Variants in ASTN1 observed in about 807,000 individuals in gnomAD.
ASTN1 encodes astrotactin-1.
Under a neutral mutation model 140.7 loss-of-function variants are expected in ASTN1, and 41 were observed. The ratio of observed to expected loss-of-function variants is 0.29; its 90% CI spans 0.23 to 0.38. The LOEUF is 0.38. Ranked by LOEUF, ASTN1 falls within the 10% of genes least tolerant of loss-of-function variation. ASTN1 has a pLI of 1.00. For synonymous variants in ASTN1, 640 were observed against 652.2 expected (o/e 0.98, Z 0.29); for missense variants, 1,479 against 1,678.8 (o/e 0.88, Z 2.08).
chr1:176,998,508 A>G (rs1184302983), intron 8 of ASTN1, among the ~76,000 whole-genome samples: 1 of 144,064 alleles, frequency 6.9e-6, no homozygotes, highest in African/African-American at 2.6e-5. Flanking sequence ...CTTCTTTCCA[A>G]GGGCAAAATC....
At chr1:177,085,445 A>G (rs1679417193) in intron 1 of ASTN1, among the ~76,000 whole-genome samples, 1 of 152,132 alleles carries the variant, frequency 6.6e-6, no homozygotes. Flanking sequence ...TTGGGTAAGG[A>G]TTCATGTTTT....
intron 18 of ASTN1, among the ~76,000 whole-genome samples, chr1:176,887,207 C>G (rs1362889650): frequency 2.0e-5 from 3 of 152,170 alleles, no homozygotes; most frequent in East Asian, 3.9e-4. Flanking sequence ...GAAATCTCAT[C>G]TCTAGTATTT....
rs536931459 is a variant in ASTN1, at chr1:177,108,503, C to T, written c.284-47238G>A. On this transcript the variant is annotated intron_variant, in intron 1 of 22. Transcript: ENST00000361833. The stretch of plus-strand genomic sequence containing the variant: ...TCCACTTAGCATGTCTTCAAGGTTT[C>T]TCCATAGTGTAACATGTGTCAGAAA... Among the ~76,000 whole-genome samples, 56 of 152,204 alleles carry T rather than the reference C, an allele frequency of 3.7e-4. 2 individuals carry two copies. Among genetic ancestry groups the T allele is most frequent in the Middle Eastern group, 3.4e-3 (1 of 294 alleles).
intron 1 of ASTN1, among the ~76,000 whole-genome samples, chr1:177,130,696 C>G (rs1012014407): frequency 2.8e-4 from 42 of 152,280 alleles, no homozygotes; most frequent in African/African-American, 9.6e-4. Flanking sequence ...TCATCAGGGA[C>G]TCCAGCTTGT....
At chr1:177,084,181 T>C (rs1456011581) in intron 1 of ASTN1, among the ~76,000 whole-genome samples, 1 of 152,140 alleles carries the variant, frequency 6.6e-6, no homozygotes, top group East Asian at 1.9e-4. Flanking sequence ...GAGCCATACT[T>C]CCAAAACTCC....
At chr1:176,958,528 C>A (rs1293113035) in intron 9 of ASTN1, 46 bp from the exon 10 acceptor site, 12 of 1,560,062 alleles carry the variant, frequency 7.7e-6, no homozygotes, top group South Asian at 6.0e-5. Context: ...GGGGCATAAC[C>A]ACTCACCACT....
intron 1 of ASTN1, among the ~76,000 whole-genome samples, chr1:177,075,749 C>T (rs1003043544): frequency 2.7e-5 from 4 of 149,686 alleles, no homozygotes; most frequent in African/African-American, 7.4e-5. Flanking sequence ...TGGGCTCAAG[C>T]AATCCTTCCA....
chr1:177,010,101 G>A (rs552909145), intron 8 of ASTN1, among the ~76,000 whole-genome samples: 120 of 152,244 alleles, frequency 7.9e-4, no homozygotes, highest in Non-Finnish European at 1.2e-3. Flanking sequence ...ACATAAATCT[G>A]TTTTTCCTCC....
rs565679710 is a variant in ASTN1, at chr1:176,877,409, A to G, written c.3363-772T>C. ...TGGCTAGACTCTTCATTCCCCACAT[A>G]CAGCTCACTCTGTTCCTCTGAGATA... On this transcript the variant is annotated intron_variant, in intron 20 of 22. Transcript: ENST00000361833. Among the ~76,000 whole-genome samples the G allele has an allele frequency of 1.1e-4, 16 of 152,242 alleles. No homozygotes were observed. In the South Asian group the frequency reaches 2.3e-3, roughly 22 times the overall value.
At chr1:177,161,375 C>A (rs564035036) in intron 1 of ASTN1, among the ~76,000 whole-genome samples, 2 of 152,318 alleles carry the variant, frequency 1.3e-5, no homozygotes, top group South Asian at 4.1e-4. Context: ...TCTCCATGAC[C>A]TTAAATGTCT....
At chr1:177,001,785 A>G (rs1674738985) in intron 8 of ASTN1, among the ~76,000 whole-genome samples, 1 of 152,216 alleles carries the variant, frequency 6.6e-6, no homozygotes, top group South Asian at 2.1e-4. Context: ...AATACCAGGC[A>G]TGCAAAGTAC....
At chr1:176,910,086 T>C (rs2103058393) in intron 16 of ASTN1, among the ~76,000 whole-genome samples, 1 of 152,240 alleles carries the variant, frequency 6.6e-6, no homozygotes, top group Non-Finnish European at 1.5e-5. Flanking sequence ...TTAAATGGCG[T>C]TGTGAAAACT....
intron 8 of ASTN1, among the ~76,000 whole-genome samples, chr1:176,990,889 C>G (rs967703869): frequency 1.3e-5 from 2 of 152,170 alleles, no homozygotes; most frequent in Non-Finnish European, 2.9e-5. Flanking sequence ...CTCTAAACAA[C>G]CTCTCTTCCC....
chr1:176,943,809 G>A, intron 14 of ASTN1, 82 bp downstream of exon 14: 1 of 1,464,594 alleles, frequency 6.8e-7, no homozygotes, highest in Non-Finnish European at 9.1e-7. Flanking sequence ...ACCAAAATAA[G>A]TGAGGTCAAA....
At chr1:177,048,531 C>T (rs1330694926) in intron 2 of ASTN1, among the ~76,000 whole-genome samples, 1 of 152,168 alleles carries the variant, frequency 6.6e-6, no homozygotes, top group Non-Finnish European at 1.5e-5. Flanking sequence ...CTAGACCTGC[C>T]AAGAATCACT....
intron 8 of ASTN1, among the ~76,000 whole-genome samples, chr1:176,996,260 T>G (rs1473332465): frequency 7.2e-6 from 1 of 139,642 alleles, no homozygotes; most frequent in Non-Finnish European, 1.5e-5. Flanking sequence ...GAGTCATATA[T>G]CCTCTCTCTC....
chr1:177,035,616 C>G (rs930955754), intron 2 of ASTN1, among the ~76,000 whole-genome samples: 2 of 152,126 alleles, frequency 1.3e-5, no homozygotes, highest in African/African-American at 4.8e-5. Context: ...TGAGAGATAC[C>G]ATTAGGCCTT....
chr1:177,017,902 TC>T (rs1200958614), intron 7 of ASTN1, among the ~76,000 whole-genome samples: 1 of 152,130 alleles, frequency 6.6e-6, no homozygotes, highest in Admixed American at 6.5e-5. Flanking sequence ...TAAATCTCAT[TC>T]AAAGATTAAA....
intron 8 of ASTN1, among the ~76,000 whole-genome samples, chr1:176,996,261 C>CCTCTCT (rs146791378): frequency 5.5e-4 from 77 of 140,942 alleles, no homozygotes; most frequent in African/African-American, 1.9e-3. Context: ...AGTCATATAT[C>CCTCTCT]CTCTCTCTCT....
Sources: allele counts gnomAD v4.1 joint callset (sites outside exome capture counted in the v4.1 genomes callset), GRCh38; gene constraint gnomAD v4.1.1; transcripts MANE v1.5; gene names NCBI Gene and HGNC (gene_info 2026-07-23, HGNC 2026-07-21).